Variants in MDGA2 observed in about 807,000 individuals in gnomAD.
MDGA2 encodes the protein MAM domain-containing glycosylphosphatidylinositol anchor protein 2.
MDGA2 carries 40 observed loss-of-function variants against 117.8 expected under a neutral mutation model. The ratio of observed to expected loss-of-function variants is 0.34; its 90% CI spans 0.26 to 0.44. The LOEUF is 0.44. Among genes scored for constraint, MDGA2 ranks in the 20% least tolerant of loss-of-function variants. MDGA2 has a pLI of 1.00. For synonymous variants in MDGA2, 452 were observed against 439.0 expected (o/e 1.03, Z -0.37); for missense variants, 1,123 against 1,250.6 (o/e 0.90, Z 1.54).
intron 1 of MDGA2, among the ~76,000 whole-genome samples, chr14:47,513,552 A>C (rs1894688623): frequency 6.6e-6 from 1 of 152,124 alleles, no homozygotes; most frequent in African/African-American, 2.4e-5. Context: ...CCCACATAGA[A>C]AAATAGATAA....
chr14:47,296,204 T>C (rs1423405430), intron 2 of MDGA2, among the ~76,000 whole-genome samples: 1 of 152,074 alleles, frequency 6.6e-6, no homozygotes, highest in Non-Finnish European at 1.5e-5. Flanking sequence ...TTCCTGATGA[T>C]TAAATTGTCA....
chr14:46,968,925 T>C (rs1432919836), intron 8 of MDGA2, among the ~76,000 whole-genome samples: 1 of 151,802 alleles, frequency 6.6e-6, no homozygotes, highest in Non-Finnish European at 1.5e-5. Flanking sequence ...TCAGTAGTGT[T>C]TCTATATACC....
At chr14:47,242,300 G>A (rs972148677) in intron 2 of MDGA2, among the ~76,000 whole-genome samples, 2 of 151,884 alleles carry the variant, frequency 1.3e-5, no homozygotes, top group Non-Finnish European at 2.9e-5. Flanking sequence ...CAGAGCCCTC[G>A]CTTGCTCTCA....
In MDGA2 at chr14:46,840,438, A is replaced by G. The variant is rs1413313721; in HGVS notation, c.*1493T>C. The G allele has an allele frequency of 6.6e-6, 1 of 152,570 alleles. No homozygotes were observed. The highest frequency in any genetic ancestry group is 2.4e-5 in the African/African-American group (1 of 41,448). 9.5% of individuals were successfully genotyped at this position (152,570 alleles called of 1,614,324 possible). ...TAACCAACAGGTTTAAGTGAAATTT[A>G]CAATGCATTGGAAAACTGGCTGGTT... On this transcript the variant is annotated 3_prime_UTR_variant, in exon 17 of 17. Coordinates refer to ENST00000399232, the MANE Select transcript of MDGA2 (RefSeq NM_001113498.3).
intron 1 of MDGA2, among the ~76,000 whole-genome samples, chr14:47,453,665 C>A (rs1166622170): frequency 6.6e-6 from 1 of 151,924 alleles, no homozygotes; most frequent in East Asian, 1.9e-4. Context: ...TAATTTCAAG[C>A]CAAAAAAGTA....
intron 2 of MDGA2, among the ~76,000 whole-genome samples, chr14:47,235,642 G>A (rs1250242849): frequency 6.6e-6 from 1 of 152,170 alleles, no homozygotes; most frequent in African/African-American, 2.4e-5. Flanking sequence ...CAATCTTGTG[G>A]CAAGGAAAAA....
At chr14:47,052,107 C>G (rs951546038) in intron 7 of MDGA2, among the ~76,000 whole-genome samples, 6 of 151,866 alleles carry the variant, frequency 4.0e-5, no homozygotes, top group Non-Finnish European at 5.9e-5. Context: ...TCACTGTTAT[C>G]ATTTTAAATG....
intron 7 of MDGA2, among the ~76,000 whole-genome samples, chr14:47,043,216 C>T (rs1160240699): frequency 1.3e-5 from 2 of 151,942 alleles, no homozygotes; most frequent in African/African-American, 2.4e-5. Context: ...TATTAATGGA[C>T]CTGCTGATAT....
intron 1 of MDGA2, among the ~76,000 whole-genome samples, chr14:47,504,002 T>C (rs571971277): frequency 3.3e-5 from 5 of 152,202 alleles, no homozygotes; most frequent in Non-Finnish European, 5.9e-5. Context: ...TGTGTAACCC[T>C]AATATCTCCT....
At chr14:47,298,299 A>T (rs10483579) in intron 2 of MDGA2, among the ~76,000 whole-genome samples, 13,856 of 152,126 alleles carry the variant, frequency 0.091, 777 homozygotes, top group Non-Finnish European at 0.11. Context: ...GGATACATCA[A>T]TACTCTCAGG....
intron 3 of MDGA2, among the ~76,000 whole-genome samples, chr14:47,154,644 T>G (rs61995369): frequency 0.13 from 20,061 of 152,132 alleles, 1,389 homozygotes; most frequent in Middle Eastern, 0.19. Flanking sequence ...CTGGTGTGTA[T>G]GATGCTAGGG....
chr14:47,553,013 A>AAAGGCAGCCCTAACCT (rs1895613802), intron 1 of MDGA2, among the ~76,000 whole-genome samples: 1 of 152,198 alleles, frequency 6.6e-6, no homozygotes, highest in Non-Finnish European at 1.5e-5. Flanking sequence ...ACCTATTTTA[A>AAAGGCAGCCCTAACCT]AAGGCAGCCC....
intron 2 of MDGA2, among the ~76,000 whole-genome samples, chr14:47,263,268 T>G (rs1386123097): frequency 6.6e-6 from 1 of 152,074 alleles, no homozygotes; most frequent in Non-Finnish European, 1.5e-5. Flanking sequence ...GTTAGGCACG[T>G]GGATTCAAAT....
intron 1 of MDGA2, among the ~76,000 whole-genome samples, chr14:47,540,989 A>G (rs186795842): frequency 1.3e-3 from 199 of 152,282 alleles, no homozygotes; most frequent in Non-Finnish European, 2.2e-3. Context: ...CTGCCTGATC[A>G]GTAAATACAT....
chr14:47,155,953 A>G (rs926050452), intron 3 of MDGA2, among the ~76,000 whole-genome samples: 2 of 107,588 alleles, frequency 1.9e-5, no homozygotes, highest in African/African-American at 7.1e-5. Flanking sequence ...TCTGTCACCC[A>G]GGCTGGAGAG....
At chr14:46,919,106 T>G (rs1393412080) in intron 10 of MDGA2, among the ~76,000 whole-genome samples, 1 of 152,180 alleles carries the variant, frequency 6.6e-6, no homozygotes, top group Non-Finnish European at 1.5e-5. Flanking sequence ...AGTATTTTAT[T>G]GTAAAACACA....
At chr14:47,013,911 T>C (rs1350565058) in intron 8 of MDGA2, among the ~76,000 whole-genome samples, 3 of 150,656 alleles carry the variant, frequency 2.0e-5, no homozygotes, top group Non-Finnish European at 4.4e-5. Flanking sequence ...TTGTCCTGCC[T>C]CAGCCACCCA....
intron 1 of MDGA2, among the ~76,000 whole-genome samples, chr14:47,418,345 C>G (rs1461012629): frequency 6.6e-6 from 1 of 151,938 alleles, no homozygotes; most frequent in African/African-American, 2.4e-5. Flanking sequence ...CTTGGCCTCC[C>G]AAAATGCTGG....
chr14:47,658,516 T>C (rs1485515124), intron 1 of MDGA2, among the ~76,000 whole-genome samples: 1 of 152,116 alleles, frequency 6.6e-6, no homozygotes, highest in African/African-American at 2.4e-5. Context: ...TGGCTGACGT[T>C]TGTCCTGCTA....
Sources: gnomAD v4.1 joint callset for allele counts (sites outside exome capture counted in the v4.1 genomes callset) on GRCh38, gnomAD v4.1.1 for gene constraint, MANE v1.5 for transcripts, NCBI Gene and HGNC (gene_info 2026-07-23, HGNC 2026-07-21) for gene names.